GON4L: variants seen among roughly 807,000 people sequenced by gnomAD.
GON4L encodes gon-4 like.
GON4L carries 87 observed loss-of-function variants against 211.8 expected under a neutral mutation model. The observed-to-expected ratio is 0.41, with a 90% CI of 0.35 to 0.49. The LOEUF (loss-of-function observed/expected upper bound fraction) is 0.49, where lower values mean the gene tolerates loss of function less well. GON4L is among the 20% of genes least tolerant of loss of function. GON4L has a pLI of 0.15. For synonymous variants in GON4L, 875 were observed against 962.6 expected, an observed-to-expected ratio of 0.91 and a Z score of 1.68; for missense variants, 2,155 against 2,659.5, an observed-to-expected ratio of 0.81 and a Z score of 4.17.
Position 155,763,405 on chromosome 1 carries a change from T to C in GON4L, c.4633A>G (p.Thr1545Ala). The C allele has an allele frequency of 6.2e-7, 1 of 1,602,652 alleles. No individual in the cohort carries two copies. Among genetic ancestry groups the C allele is most frequent in the South Asian group, 1.1e-5 (1 of 89,190 alleles). Residue 1545 changes from threonine (T) to alanine (A), a missense_variant, in exon 22 of 32, where the codon ACG becomes GCG. By Grantham distance (58) the Thr-to-Ala change is moderately conservative. Around this residue, in one of 6 missense-constraint regions of GON4L, gnomAD observed 455 missense variants for 504.6 expected, o/e 0.90. Coordinates refer to ENST00000368331, the MANE Select transcript of GON4L (RefSeq NM_001282860.2). Reference sequence around the variant, plus strand: ...GCAGAGTCTCCAACTGCTTCATCCGTCATTTCATCCTCTTTCTGCAGGCTT... The same window carrying C: ...GCAGAGTCTCCAACTGCTTCATCCGCCATTTCATCCTCTTTCTGCAGGCTT... ...MESLQKEDEM[T>A]DEAVGDSAEK...
At chr1:155,813,557 C>G in intron 10 of GON4L, 77 bp downstream of exon 10, 1 of 1,061,530 alleles carries the variant, frequency 9.4e-7, no homozygotes. Context: ...GTTATCTTTT[C>G]CTCTCCCTTC....
intron 1 of GON4L, among the ~76,000 whole-genome samples, chr1:155,856,276 G>A (rs1672269890): frequency 6.6e-6 from 1 of 151,858 alleles, no homozygotes; most frequent in Admixed American, 6.6e-5. Flanking sequence ...TGCCCAGACC[G>A]GAGTGCAGTG....
rs1660411727 is a variant in GON4L at position 155,749,867 on chromosome 1, G to A, written c.*717C>T. 8 of 1,604,160 alleles carry A rather than the reference G, an allele frequency of 5.0e-6. No individual in the cohort carries two copies. The East Asian group carries it at 1.8e-4, about 36-fold the overall frequency. Reference sequence around the variant, plus strand: ...TTGGACTTCCTTATCAGTTTGGCGAGTCCCAGGGCAGAATAATCATCCATC... The same window carrying A: ...TTGGACTTCCTTATCAGTTTGGCGAATCCCAGGGCAGAATAATCATCCATC... On this transcript the variant is annotated 3_prime_UTR_variant, in exon 32 of 32. Coordinates refer to ENST00000368331, the MANE Select transcript of GON4L (RefSeq NM_001282860.2).
chr1:155,819,838 C>A (rs992485007), intron 6 of GON4L, among the ~76,000 whole-genome samples: 1 of 152,134 alleles, frequency 6.6e-6, no homozygotes, highest in Admixed American at 6.6e-5. Flanking sequence ...TGTGTTTTTG[C>A]CAATGCATAT....
intron 10 of GON4L, among the ~76,000 whole-genome samples, chr1:155,813,206 A>AG: frequency 3.3e-5 from 5 of 152,242 alleles, no homozygotes; most frequent in Admixed American, 3.3e-4. Context: ...CTAAGGTGGG[A>AG]GGATCACTTG....
chr1:155,802,450 G>A (rs1159105607), intron 11 of GON4L, among the ~76,000 whole-genome samples: 1 of 152,098 alleles, frequency 6.6e-6, no homozygotes, highest in African/African-American at 2.4e-5. Context: ...CCAGCATATA[G>A]AGTATATCAT....
At chr1:155,819,289 C>T (rs902501081) in intron 6 of GON4L, among the ~76,000 whole-genome samples, 1 of 149,790 alleles carries the variant, frequency 6.7e-6, no homozygotes, top group African/African-American at 2.5e-5. Context: ...GACGATGAAG[C>T]AAGACTCCCA....
intron 12 of GON4L, among the ~76,000 whole-genome samples, chr1:155,791,497 A>G (rs1665553122): frequency 6.6e-6 from 1 of 151,932 alleles, no homozygotes; most frequent in Admixed American, 6.6e-5. Flanking sequence ...TAGGGAAAAA[A>G]AAAAAAAAAC....
At chr1:155,756,404 T>C (rs1393440549) in intron 27 of GON4L, 2 of 152,342 alleles carry the variant, frequency 1.3e-5, no homozygotes, top group African/African-American at 2.4e-5. Context: ...AAGAAACAAA[T>C]CCTTCTAACT....
intron 27 of GON4L, among the ~76,000 whole-genome samples, chr1:155,755,111 C>T (rs1199667152): frequency 6.8e-6 from 1 of 146,374 alleles, no homozygotes; most frequent in African/African-American, 2.5e-5. Flanking sequence ...CGCTCTTTCT[C>T]CCAGGCTGGA....
Position 155,771,079 on chromosome 1 carries a change from G to T in GON4L, c.2634C>A (p.Asp878Glu). 1 of 1,614,194 alleles carries T rather than the reference G, an allele frequency of 6.2e-7. No homozygotes were observed. The highest frequency in any genetic ancestry group is 8.5e-7 in the Non-Finnish European group (1 of 1,180,024). ...IKNLNMNRAPDNIIKFYKKTK... is the reference protein window; with the variant it reads ...IKNLNMNRAPENIIKFYKKTK... ...AGGAAACACTCACTTTAATGATGTT[G>T]TCAGGAGCTCTGTTCATGTTGAGGT... Residue 878 changes from aspartate (D) to glutamate (E), a missense_variant, in exon 19 of 32, where the codon GAC (aspartate) becomes GAA (glutamate). Around this residue, in one of 6 missense-constraint regions of GON4L, gnomAD observed 551 missense variants for 854.0 expected, o/e 0.65. Coordinates refer to ENST00000368331, the MANE Select transcript of GON4L (RefSeq NM_001282860.2).
chr1:155,823,568 A>G (rs1668913330), intron 3 of GON4L, among the ~76,000 whole-genome samples: 1 of 152,170 alleles, frequency 6.6e-6, no homozygotes, highest in Non-Finnish European at 1.5e-5. Flanking sequence ...AGAATATGCA[A>G]TAAGAAAAAT....
chr1:155,753,063 G>A (rs1660782020), intron 29 of GON4L, 141 bp downstream of exon 29: 5 of 657,246 alleles, frequency 7.6e-6, no homozygotes, highest in Non-Finnish European at 1.3e-5. Context: ...ACAGCAGAAG[G>A]GCTTCCTATG....
At chr1:155,844,576 T>C (rs1298499217) in intron 2 of GON4L, among the ~76,000 whole-genome samples, 1 of 151,966 alleles carries the variant, frequency 6.6e-6, no homozygotes, top group Non-Finnish European at 1.5e-5. Context: ...GGCAACATAG[T>C]GAGACTGTGT....
intron 11 of GON4L, among the ~76,000 whole-genome samples, chr1:155,801,327 A>G (rs1666641308): frequency 6.6e-6 from 1 of 152,038 alleles, no homozygotes; most frequent in African/African-American, 2.4e-5. Flanking sequence ...TGAGTAATGG[A>G]AAACTCAGAA....
At chr1:155,844,790 A>C (rs1671077440) in intron 2 of GON4L, among the ~76,000 whole-genome samples, 1 of 151,604 alleles carries the variant, frequency 6.6e-6, no homozygotes, top group Non-Finnish European at 1.5e-5. Context: ...AACAAAAAAA[A>C]CCCTCCCAAG....
chr1:155,746,856 CTT>C (rs1660262355), downstream of GON4L: 1 of 1,595,658 alleles, frequency 6.3e-7, no homozygotes, highest in Admixed American at 1.7e-5. Context: ...ATCTCCAAGA[CTT>C]TCTGAGTGCA....
chr1:155,855,294 C>A (rs529654916), intron 1 of GON4L, among the ~76,000 whole-genome samples: 1 of 152,134 alleles, frequency 6.6e-6, no homozygotes, highest in Non-Finnish European at 1.5e-5. Context: ...TCTCCTTCCT[C>A]CAAAACTATC....
At position 155,814,361 on chromosome 1, in the gene GON4L, T is replaced by C; in HGVS notation, c.1250A>G (p.Glu417Gly). The C allele has an allele frequency of 6.2e-7, 1 of 1,612,962 alleles. No individual in the cohort carries two copies. The highest frequency in any genetic ancestry group is 8.5e-7 in the Non-Finnish European group (1 of 1,178,944). Reference protein sequence around the residue: ...SRLRQSSEMTETDEESGILSE... With the variant: ...SRLRQSSEMTGTDEESGILSE... ...TAATATGCCACTCTCCTCATCTGTT[T>C]CAGTCATCTCAGAAGACTGCCTCAA... Residue 417 changes from glutamate (E) to glycine (G), a missense_variant, in exon 9 of 32, where the codon GAA (glutamate) becomes GGA (glycine). Physicochemically the swap from Glu to Gly is moderately conservative, Grantham distance 98 (BLOSUM62 -2). Transcript: ENST00000368331.
Sources: allele counts gnomAD v4.1 joint callset (sites outside exome capture counted in the v4.1 genomes callset), GRCh38; gene constraint gnomAD v4.1.1; regional missense constraint gnomAD v4.1.1; transcripts MANE v1.5; gene names NCBI Gene and HGNC (gene_info 2026-07-23, HGNC 2026-07-21).